AQP7B: variants seen among roughly 807,000 people sequenced by gnomAD.
The protein encoded by AQP7B is aquaporin 7B.
chr2:94,599,856 C>T, the AQP7B span, among the ~76,000 whole-genome samples: 5 of 152,014 alleles, frequency 3.3e-5, no homozygotes, highest in Non-Finnish European at 5.9e-5. Context: ...TACACTGGTG[C>T]CTTTCAACTC....
At chr2:94,601,887 G>T in the AQP7B span, among the ~76,000 whole-genome samples, 1 of 152,240 alleles carries the variant, frequency 6.6e-6, no homozygotes, top group East Asian at 1.9e-4. Flanking sequence ...CCCTGTGAAG[G>T]CGGCATTATC....
At chr2:94,600,026 G>A in the AQP7B span, among the ~76,000 whole-genome samples, 3 of 151,954 alleles carry the variant, frequency 2.0e-5, no homozygotes, top group African/African-American at 7.3e-5. Context: ...TTACAGGCAA[G>A]CACCACCACG....
At chr2:94,598,907 A>G in the AQP7B span, among the ~76,000 whole-genome samples, 2 of 152,242 alleles carry the variant, frequency 1.3e-5, no homozygotes, top group Admixed American at 1.3e-4. Flanking sequence ...GGTTCAAGTG[A>G]TTCTCCTGCC....
the AQP7B span, among the ~76,000 whole-genome samples, chr2:94,595,433 C>G: frequency 6.6e-6 from 1 of 150,464 alleles, no homozygotes; most frequent in Non-Finnish European, 1.5e-5. Context: ...GAAACTCTGT[C>G]TCAAAAAGAA....
At chr2:94,603,029 G>A in the AQP7B span, 6 of 1,593,640 alleles carry the variant, frequency 3.8e-6, no homozygotes, top group East Asian at 2.3e-5. Context: ...CTTGCCTGCT[G>A]CCCGCAGGAG....
At chr2:94,600,361 G>A in the AQP7B span, among the ~76,000 whole-genome samples, 11 of 152,142 alleles carry the variant, frequency 7.2e-5, no homozygotes, top group Non-Finnish European at 1.6e-4. Context: ...AAGGTAAAAA[G>A]CAACAGGTGA....
the AQP7B span, among the ~76,000 whole-genome samples, chr2:94,591,593 A>G: frequency 6.6e-6 from 1 of 152,086 alleles, no homozygotes; most frequent in East Asian, 1.9e-4. Flanking sequence ...GCCCTCTGGT[A>G]GAGTTCAGAC....
At chr2:94,591,511 C>T in the AQP7B span, among the ~76,000 whole-genome samples, 1 of 152,164 alleles carries the variant, frequency 6.6e-6, no homozygotes, top group Non-Finnish European at 1.5e-5. Flanking sequence ...ACCCTGCCTC[C>T]ACTCCACTTC....
chr2:94,594,778 G>A, the AQP7B span: 19 of 1,578,366 alleles, frequency 1.2e-5, no homozygotes, highest in African/African-American at 4.0e-5. Context: ...CTCCTGGTCC[G>A]TGATAGCAAA....
At chr2:94,592,141 T>G in the AQP7B span, among the ~76,000 whole-genome samples, 1 of 152,182 alleles carries the variant, frequency 6.6e-6, no homozygotes, top group Non-Finnish European at 1.5e-5. Flanking sequence ...CTTTCTGCTC[T>G]GTCCACTTCT....
chr2:94,590,031 C>A, the AQP7B span, among the ~76,000 whole-genome samples: 9 of 152,334 alleles, frequency 5.9e-5, no homozygotes, highest in African/African-American at 2.2e-4. Flanking sequence ...CCTCACCTCC[C>A]ATGCCTCCCC....
the AQP7B span, chr2:94,603,077 G>A: frequency 5.4e-4 from 855 of 1,593,456 alleles, 7 homozygotes; most frequent in African/African-American, 0.01. Flanking sequence ...CTAACTGTGC[G>A]CTGGGCCGCG....
chr2:94,601,984 C>G, the AQP7B span, among the ~76,000 whole-genome samples: 1 of 151,360 alleles, frequency 6.6e-6, no homozygotes, highest in Non-Finnish European at 1.5e-5. Context: ...ACAGTTAGGG[C>G]CCCACTGTTC....
chr2:94,592,940 C>T, the AQP7B span, among the ~76,000 whole-genome samples: 24 of 144,460 alleles, frequency 1.7e-4, no homozygotes, highest in African/African-American at 4.5e-4. Context: ...CCTCTCACAT[C>T]AGCCTCCCCA....
chr2:94,592,722 A>C, the AQP7B span, among the ~76,000 whole-genome samples: 2 of 151,544 alleles, frequency 1.3e-5, no homozygotes, highest in Admixed American at 6.6e-5. Context: ...AGATTTATTG[A>C]ATCTACTATG....
the AQP7B span, among the ~76,000 whole-genome samples, chr2:94,602,262 G>A: frequency 3.7e-4 from 56 of 152,072 alleles, no homozygotes; most frequent in South Asian, 5.8e-3. Flanking sequence ...TTCTAACTCT[G>A]CTGCTCCACC....
chr2:94,590,020 T>G, the AQP7B span, among the ~76,000 whole-genome samples: 42 of 152,284 alleles, frequency 2.8e-4, no homozygotes, highest in African/African-American at 8.2e-4. Context: ...CTCCCTTCAG[T>G]CCTCACCTCC....
At chr2:94,595,246 C>A in the AQP7B span, among the ~76,000 whole-genome samples, 1 of 151,970 alleles carries the variant, frequency 6.6e-6, no homozygotes, top group Non-Finnish European at 1.5e-5. Flanking sequence ...ACCAGCCTGG[C>A]CAACATGGTG....
the AQP7B span, among the ~76,000 whole-genome samples, chr2:94,590,527 T>C: frequency 6.6e-6 from 1 of 152,078 alleles, no homozygotes; most frequent in African/African-American, 2.4e-5. Context: ...GGTTAGCAGG[T>C]TGAATTGTTG....
Sources: gnomAD v4.1 joint callset for allele counts (sites outside exome capture counted in the v4.1 genomes callset) on GRCh38, gnomAD v4.1.1 for gene constraint, MANE v1.5 for transcripts, NCBI Gene and HGNC (gene_info 2026-07-23, HGNC 2026-07-21) for gene names.